MYH13: variants seen among roughly 807,000 people sequenced by gnomAD.
MYH13 encodes myosin-13.
MYH13 carries 177 observed loss-of-function variants against 232.1 expected under a neutral mutation model. The observed-to-expected ratio is 0.76, with a 90% CI of 0.67 to 0.86. The LOEUF (loss-of-function observed/expected upper bound fraction) is 0.86, where lower values mean the gene tolerates loss of function less well. Ranked by LOEUF, MYH13 falls within the 40% of genes least tolerant of loss-of-function variation. MYH13 has a pLI of 0.00. For synonymous variants in MYH13, 884 were observed against 923.5 expected (o/e 0.96, Z 0.78); for missense variants, 2,246 against 2,405.9 (o/e 0.93, Z 1.39).
rs1397816473 is a variant in MYH13, at chr17:10,309,653, G to A, written c.4834C>T (p.Arg1612Trp). The change falls in exon 34 of 41, where the codon CGG (arginine) becomes TGG (tryptophan). Residue 1612 changes from arginine to tryptophan, a missense_variant. Coordinates refer to ENST00000252172, the MANE Select transcript of MYH13 (RefSeq NM_003802.3). Reference sequence around the variant, plus strand: ...TTCTTTAGCCTCAGGGCGTCGTTCCGGCTGCGGATTTCAGCATCCAGCACG... The same window carrying A: ...TTCTTTAGCCTCAGGGCGTCGTTCCAGCTGCGGATTTCAGCATCCAGCACG... ...QSVLDAEIRSRNDALRLKKKM... is the reference protein window; with the variant it reads ...QSVLDAEIRSWNDALRLKKKM... The A allele has an allele frequency of 3.7e-6, 6 of 1,611,272 alleles. No homozygotes were observed. The highest frequency in any genetic ancestry group is 2.2e-5 in the South Asian group (2 of 90,310).
In MYH13 at chr17:10,327,773, C is replaced by T. The variant is rs1235291029; in HGVS notation, c.2691+93G>A. On this transcript the variant is annotated intron_variant, in intron 22 of 40. Coordinates refer to ENST00000252172, the MANE Select transcript of MYH13 (RefSeq NM_003802.3). ...TGACCACTGGGTGGCACCACTGTCT[C>T]TCGAATAGACACCTGATGGCGCCCT... The T allele has an allele frequency of 2.6e-6, 4 of 1,510,896 alleles. No individual in the cohort carries two copies. In the African/African-American group the frequency reaches 4.2e-5, roughly 16 times the overall value. The allele number at this position is 1,510,896 out of a possible 1,614,324, so 93.6% of individuals were successfully genotyped here.
chr17:10,340,040 A>C, intron 18 of MYH13, 110 bp downstream of exon 18: 1 of 898,646 alleles, frequency 1.1e-6, no homozygotes, highest in Non-Finnish European at 1.7e-6. Context: ...GACTACTTTC[A>C]GAAGTGATAC....
chr17:10,343,397 C>T (rs2142257807), intron 16 of MYH13, among the ~76,000 whole-genome samples: 1 of 152,164 alleles, frequency 6.6e-6, no homozygotes, highest in African/African-American at 2.4e-5. Context: ...GGGGTTTCAC[C>T]ATGTTGGCCA....
chr17:10,330,144 A>G (rs1011626204), intron 21 of MYH13, among the ~76,000 whole-genome samples: 1 of 152,272 alleles, frequency 6.6e-6, no homozygotes, highest in Admixed American at 6.5e-5. Flanking sequence ...TGTCACAGGC[A>G]TTAAAACCAG....
intron 20 of MYH13, among the ~76,000 whole-genome samples, chr17:10,331,553 G>A (rs1818823461): frequency 6.6e-6 from 1 of 152,152 alleles, no homozygotes; most frequent in African/African-American, 2.4e-5. Flanking sequence ...ATACTCACGT[G>A]CTCAATAAAT....
intron 27 of MYH13, 59 bp from the exon 28 acceptor site, chr17:10,316,084 T>C: frequency 1.3e-6 from 2 of 1,578,374 alleles, no homozygotes; most frequent in Non-Finnish European, 1.7e-6. Flanking sequence ...TGCCCAGCAT[T>C]GAACTGAACA....
At chr17:10,332,572 T>G (rs944449393) in intron 19 of MYH13, among the ~76,000 whole-genome samples, 1 of 152,136 alleles carries the variant, frequency 6.6e-6, no homozygotes, top group African/African-American at 2.4e-5. Context: ...GAAGGTCCTC[T>G]CCTGTCCTCC....
At position 10,333,069 on chromosome 17, in the gene MYH13, C is replaced by T. The variant is rs1334366010; in HGVS notation, c.2174+5G>A. 1.3e-6 allele frequency: 2 copies of T among 1,542,414 alleles called. No individual in the cohort carries two copies. Among genetic ancestry groups the T allele is most frequent in the Non-Finnish European group, 1.8e-6 (2 of 1,138,446 alleles). On this transcript the variant is annotated splice_donor_5th_base_variant and intron_variant, in intron 19 of 40. Coordinates refer to ENST00000252172, the MANE Select transcript of MYH13 (RefSeq NM_003802.3). ...AGAGAGATGCACAGGAGAGAGGGAA[C>T]CTACCGCTGCTTGAAGTCAGCATAG...
rs905169912 is a variant in MYH13, at chr17:10,304,758, A to G, written c.5467-1260T>C. On this transcript the variant is annotated intron_variant, in intron 37 of 40. Transcript: ENST00000252172. This position sits in a 1 kb window ranked among gnomAD's most constrained non-coding sequence, Gnocchi z 5.3. Reference sequence around the variant, plus strand: ...AGATCAAATGAAAGTATGTGAAAGTATTGTTAGAATGACAAAGCACTACAC... The same window carrying G: ...AGATCAAATGAAAGTATGTGAAAGTGTTGTTAGAATGACAAAGCACTACAC... Among the ~76,000 whole-genome samples the G allele has an allele frequency of 6.6e-6, 1 of 152,246 alleles. No individual in the cohort carries two copies. The highest frequency in any genetic ancestry group is 2.4e-5 in the African/African-American group (1 of 41,470).
chr17:10,348,148 C>G (rs961329040), intron 12 of MYH13, among the ~76,000 whole-genome samples: 2 of 152,212 alleles, frequency 1.3e-5, no homozygotes, highest in Admixed American at 6.5e-5. Flanking sequence ...GAATTATCTC[C>G]TTTTCTTGCT....
At position 10,320,029 on chromosome 17, in the gene MYH13, G is replaced by A. The variant is rs1906874518; in HGVS notation, c.3348+124C>T. On this transcript the variant is annotated intron_variant, in intron 26 of 40. Transcript: ENST00000252172. The stretch of plus-strand genomic sequence containing the variant: ...TTTTCAAAAACTAAAGGAAATGACA[G>A]GACATCTTCTCTAGCTTTAGCAGGA... 4 of 718,414 alleles carry A rather than the reference G, an allele frequency of 5.6e-6. No homozygotes were observed. The South Asian group carries it at 5.7e-5, about 10-fold the overall frequency. The allele number at this position is 718,414 out of a possible 1,614,324, so 44.5% of individuals were successfully genotyped here. A position where few individuals can be genotyped will look rare whatever the true frequency, so the allele number is the denominator to read the frequency against.
intron 18 of MYH13, among the ~76,000 whole-genome samples, chr17:10,337,920 A>G (rs8070079): frequency 0.77 from 117,710 of 152,088 alleles, 45,935 homozygotes; most frequent in East Asian, 0.9. Flanking sequence ...GGGCATGATG[A>G]TGTGTGCCTG....
chr17:10,303,571 CA>C, intron 37 of MYH13, 73 bp from the exon 38 acceptor site: 1 of 1,322,250 alleles, frequency 7.6e-7, no homozygotes, highest in Non-Finnish European at 1.1e-6. Flanking sequence ...ATGGGCCAAT[CA>C]TTCTAGAGTG....
chr17:10,335,356 A>G (rs1452997573), intron 18 of MYH13, among the ~76,000 whole-genome samples: 2 of 152,236 alleles, frequency 1.3e-5, no homozygotes, highest in Admixed American at 6.5e-5. Context: ...CAATATCCAC[A>G]GAAATTTAAA....
At chr17:10,341,768 G>A (rs2071621512) in intron 16 of MYH13, among the ~76,000 whole-genome samples, 1 of 152,186 alleles carries the variant, frequency 6.6e-6, no homozygotes, top group Non-Finnish European at 1.5e-5. Context: ...ATGCAATGTA[G>A]TTACAGAGAC....
intron 23 of MYH13, among the ~76,000 whole-genome samples, chr17:10,322,242 A>G (rs1421302686): frequency 6.6e-6 from 1 of 152,030 alleles, no homozygotes; most frequent in Non-Finnish European, 1.5e-5. Context: ...AATACAAAAA[A>G]AAAAAATTAG....
At chr17:10,369,693 A>AT (rs34286222) in intron 2 of MYH13, among the ~76,000 whole-genome samples, 14 of 151,924 alleles carry the variant, frequency 9.2e-5, no homozygotes, top group Admixed American at 2.0e-4. Context: ...TCAAGTAGAG[A>AT]TTTTTTCTCC....
chr17:10,324,285 T>C, intron 22 of MYH13, 21 bp from the exon 23 acceptor site: 2 of 1,611,960 alleles, frequency 1.2e-6, no homozygotes, highest in East Asian at 2.2e-5. Flanking sequence ...CAGGTCATTT[T>C]ATGTTTTGAT....
chr17:10,345,208 G>A lies in MYH13; in HGVS notation c.1578C>T (p.Ile526=), dbSNP rs766967006. 1.9e-6 allele frequency: 3 copies of A among 1,614,076 alleles called. No individual in the cohort carries two copies. Among genetic ancestry groups the A allele is most frequent in the South Asian group, 2.2e-5 (2 of 91,078 alleles). The part of the protein sequence containing the change: ...GMDLAACIEL[I]EKPMGIFSIL... ...GGCAGCAGTATCTCTCTACCTTCTC[G>A]ATGAGCTCGATGCAGGCAGCCAGGT... Residue 526 remains isoleucine (I), a synonymous_variant, in exon 15 of 41, where the codon ATC becomes ATT. Transcript: ENST00000252172.
Sources: gnomAD v4.1 joint callset for allele counts (sites outside exome capture counted in the v4.1 genomes callset) on GRCh38, gnomAD v4.1.1 for gene constraint, Gnocchi (gnomAD v3.1) non-coding constraint, MANE v1.5 for transcripts, NCBI Gene and HGNC (gene_info 2026-07-23, HGNC 2026-07-21) for gene names.